Variants in IFT88 observed in about 807,000 individuals in gnomAD.
The protein encoded by IFT88 is intraflagellar transport protein 88 homolog.
In IFT88, 74 loss-of-function variants were observed where a neutral mutation model predicts 119.5. The ratio of observed to expected loss-of-function variants is 0.62; its 90% CI spans 0.51 to 0.75. IFT88 has a LOEUF of 0.75. Among genes scored for constraint, IFT88 ranks in the 30% least tolerant of loss-of-function variants. The pLI is 0.00. For missense variants in IFT88, 961 were observed against 977.7 expected (o/e 0.98, Z 0.23); for synonymous variants, 279 against 316.7 (o/e 0.88, Z 1.26).
At chr13:20,658,587 A>G (rs536589894) in intron 22 of IFT88, among the ~76,000 whole-genome samples, 4 of 152,352 alleles carry the variant, frequency 2.6e-5, no homozygotes, top group Non-Finnish European at 4.4e-5. Context: ...GAACAACCCA[A>G]AAGTCTGCTA....
chr13:20,598,617 T>C (rs1231464081), intron 9 of IFT88, 34 bp from the exon 10 acceptor site: 1 of 1,374,550 alleles, frequency 7.3e-7, no homozygotes, highest in Non-Finnish European at 1.0e-6. Context: ...TAAAGTGGTC[T>C]TATGTGTCTT....
chr13:20,580,973 C>A (rs953092044), intron 2 of IFT88, among the ~76,000 whole-genome samples: 2 of 152,094 alleles, frequency 1.3e-5, no homozygotes, highest in Non-Finnish European at 2.9e-5. Context: ...GATCCGCCCA[C>A]CTCAGCCTCC....
chr13:20,666,135 G>A (rs976555246), intron 23 of IFT88, among the ~76,000 whole-genome samples: 7 of 152,148 alleles, frequency 4.6e-5, no homozygotes, highest in African/African-American at 1.4e-4. Context: ...ACAGAACCCC[G>A]TACTTTTTTC....
At chr13:20,595,704 C>G (rs910149885) in intron 7 of IFT88, among the ~76,000 whole-genome samples, 5 of 152,114 alleles carry the variant, frequency 3.3e-5, no homozygotes, top group Admixed American at 3.3e-4. Context: ...TTTGTCTTAT[C>G]TATAACTATT....
chr13:20,590,425 C>A (rs1282783143), intron 4 of IFT88, among the ~76,000 whole-genome samples: 1 of 152,102 alleles, frequency 6.6e-6, no homozygotes, highest in East Asian at 1.9e-4. Context: ...GGTGGAATAG[C>A]TTTTCTTAGT....
At chr13:20,675,665 C>G (rs1196509366) in intron 24 of IFT88, among the ~76,000 whole-genome samples, 1 of 152,188 alleles carries the variant, frequency 6.6e-6, no homozygotes. Context: ...ATATTCCACT[C>G]TGCTGTTGTG....
intron 2 of IFT88, among the ~76,000 whole-genome samples, chr13:20,578,146 G>T (rs1181773259): frequency 9.6e-5 from 13 of 135,438 alleles, no homozygotes; most frequent in African/African-American, 3.0e-4. Flanking sequence ...CCAGGTTCAC[G>T]CCATCCTCTT....
At chr13:20,609,819 A>T (rs753988898) in intron 13 of IFT88, among the ~76,000 whole-genome samples, 36 of 152,184 alleles carry the variant, frequency 2.4e-4, no homozygotes, top group Non-Finnish European at 1.5e-4. Flanking sequence ...CAGAAATCAC[A>T]TCAGGAATAT....
At chr13:20,597,519 C>T (rs1184443929) in intron 9 of IFT88, among the ~76,000 whole-genome samples, 4 of 151,906 alleles carry the variant, frequency 2.6e-5, no homozygotes, top group African/African-American at 4.8e-5. Flanking sequence ...CCGAGGCGGG[C>T]AGATCACAAG....
chr13:20,618,006 G>A (rs530763252), intron 14 of IFT88, among the ~76,000 whole-genome samples: 10 of 152,096 alleles, frequency 6.6e-5, no homozygotes, highest in African/African-American at 2.4e-4. Flanking sequence ...GGCTGGTCTC[G>A]AACTCCTGAC....
chr13:20,617,699 G>A (rs1232254472), intron 14 of IFT88, among the ~76,000 whole-genome samples: 2 of 152,186 alleles, frequency 1.3e-5, no homozygotes, highest in Non-Finnish European at 2.9e-5. Context: ...ACCTGAATTG[G>A]ACTGAACTCC....
At chr13:20,688,386 C>T (rs1337596063) in intron 24 of IFT88, among the ~76,000 whole-genome samples, 1 of 152,102 alleles carries the variant, frequency 6.6e-6, no homozygotes, top group Admixed American at 6.6e-5. Flanking sequence ...TGGATTTTCA[C>T]CTTGGTTCTA....
intron 24 of IFT88, among the ~76,000 whole-genome samples, chr13:20,686,322 T>C (rs138854303): frequency 4.8e-4 from 73 of 152,310 alleles, no homozygotes; most frequent in African/African-American, 1.6e-3. Context: ...AAAATAAAAA[T>C]GCAGGAAAGG....
chr13:20,597,033 G>C lies in IFT88; in HGVS notation c.508G>C (p.Asp170His), dbSNP rs2041765915. The change falls in exon 9 of 26, where the codon GAT (aspartate) becomes CAT (histidine). Residue 170 changes from aspartate to histidine, a missense_variant. Asp to His is a moderately conservative substitution (Grantham distance 81). Transcript: ENST00000351808. Reference protein sequence around the residue: ...DLKLALEKAKDAGRKERVLVR... With the variant: ...DLKLALEKAKHAGRKERVLVR... Reference sequence around the variant, plus strand: ...ATTTCAGGCCTTAGAAAAGGCAAAAGATGCAGGAAGAAAAGAGAGAGTCCT... The same window carrying C: ...ATTTCAGGCCTTAGAAAAGGCAAAACATGCAGGAAGAAAAGAGAGAGTCCT... The C allele has an allele frequency of 2.5e-6, 4 of 1,602,772 alleles. No homozygotes were observed. In the South Asian group the frequency reaches 3.4e-5, roughly 14 times the overall value.
At chr13:20,589,368 A>G (rs1052375940) in intron 3 of IFT88, among the ~76,000 whole-genome samples, 14 of 152,152 alleles carry the variant, frequency 9.2e-5, no homozygotes, top group African/African-American at 3.4e-4. Context: ...TATACTTTGT[A>G]TTCTTATTTA....
chr13:20,603,046 A>T (rs187388027), intron 12 of IFT88, among the ~76,000 whole-genome samples: 11 of 152,368 alleles, frequency 7.2e-5, no homozygotes, highest in Admixed American at 7.2e-4. Flanking sequence ...GGAAGAATTG[A>T]CACCAATATA....
chr13:20,617,446 G>A (rs111305933), intron 14 of IFT88, among the ~76,000 whole-genome samples: 4 of 152,164 alleles, frequency 2.6e-5, no homozygotes, highest in African/African-American at 9.7e-5. Flanking sequence ...GATACGTGCA[G>A]CCCTGTCTAT....
chr13:20,603,136 CTGTATATTAGT>C (rs2139183537), intron 12 of IFT88, among the ~76,000 whole-genome samples: 1 of 152,174 alleles, frequency 6.6e-6, no homozygotes, highest in Admixed American at 6.5e-5. Flanking sequence ...TATTGGCATA[CTGTATATTAGT>C]TTAAGGAAAA....
intron 2 of IFT88, 35 bp downstream of exon 2, chr13:20,574,510 G>A: frequency 8.6e-7 from 1 of 1,165,242 alleles, no homozygotes; most frequent in Non-Finnish European, 1.3e-6. Flanking sequence ...CATTGGTCTT[G>A]GTTAACCAGC....
Sources: gnomAD v4.1 joint callset for allele counts (sites outside exome capture counted in the v4.1 genomes callset) on GRCh38, gnomAD v4.1.1 for gene constraint, MANE v1.5 for transcripts, NCBI Gene and HGNC (gene_info 2026-07-23, HGNC 2026-07-21) for gene names.